Variants in DYM observed in about 807,000 individuals in gnomAD.
The protein encoded by DYM is dyggve-Melchior-Clausen syndrome protein.
DYM carries 78 observed loss-of-function variants against 93.1 expected under a neutral mutation model. That is an observed-to-expected ratio of 0.84 (90% CI 0.70 to 1.01). DYM has a LOEUF of 1.01. Among genes scored for constraint, DYM ranks in the 50% least tolerant of loss-of-function variants. The pLI, the probability that DYM is intolerant of heterozygous loss-of-function variation, is 0.00. For missense variants in DYM, 789 were observed against 845.0 expected, an observed-to-expected ratio of 0.93 and a Z score of 0.82; for synonymous variants, 321 against 319.7, an observed-to-expected ratio of 1.00 and a Z score of -0.04.
At chr18:49,104,396 T>G (rs899943763) in intron 16 of DYM, among the ~76,000 whole-genome samples, 1 of 152,090 alleles carries the variant, frequency 6.6e-6, no homozygotes, top group African/African-American at 2.4e-5. Flanking sequence ...TAATTGAATA[T>G]CCTTTATTTC....
intron 2 of DYM, among the ~76,000 whole-genome samples, chr18:49,422,701 G>C (rs1235792881): frequency 2.0e-5 from 3 of 152,128 alleles, no homozygotes; most frequent in Non-Finnish European, 4.4e-5. Context: ...GATGGAGGAA[G>C]ATATAACAAG....
chr18:49,237,940 T>C (rs2144635330), intron 13 of DYM, among the ~76,000 whole-genome samples: 1 of 151,540 alleles, frequency 6.6e-6, no homozygotes, highest in Admixed American at 6.6e-5. Context: ...ACTAGATCAA[T>C]GTACCATATT....
intron 8 of DYM, among the ~76,000 whole-genome samples, chr18:49,312,034 C>T (rs2061624473): frequency 6.6e-6 from 1 of 152,024 alleles, no homozygotes. Context: ...CATACACTGG[C>T]CATCTTTATC....
chr18:49,354,172 G>T (rs749987870), intron 6 of DYM, among the ~76,000 whole-genome samples: 1 of 151,986 alleles, frequency 6.6e-6, no homozygotes, highest in Non-Finnish European at 1.5e-5. Context: ...AATGGGGAAA[G>T]GTAGTCTCTT....
Position 49,391,570 on chromosome 18 carries a change from CCACA to C in DYM, c.193+19_193+22del. ...TAAAACAAAATTTGAAAACAACACC[CCACA>C]CACATTTTTCCCACTTACCTAATGA... On this transcript the variant is annotated intron_variant, in intron 3 of 17. Transcript: ENST00000675505. The C allele has an allele frequency of 6.2e-7, 1 of 1,611,946 alleles. No individual in the cohort carries two copies. Among genetic ancestry groups the C allele is most frequent in the East Asian group, 2.2e-5 (1 of 44,768 alleles).
intron 8 of DYM, among the ~76,000 whole-genome samples, chr18:49,309,804 G>A: frequency 6.6e-6 from 1 of 152,054 alleles, no homozygotes; most frequent in African/African-American, 2.4e-5. Flanking sequence ...GAATAATAAT[G>A]GAAAAAAAGG....
intron 13 of DYM, among the ~76,000 whole-genome samples, chr18:49,244,995 T>C (rs1477923294): frequency 1.3e-5 from 2 of 152,198 alleles, no homozygotes; most frequent in African/African-American, 2.4e-5. Context: ...ATTGTGAAGA[T>C]TTCATGGACA....
At chr18:49,413,720 T>A (rs1040431318) in intron 2 of DYM, among the ~76,000 whole-genome samples, 1 of 152,110 alleles carries the variant, frequency 6.6e-6, no homozygotes, top group African/African-American at 2.4e-5. Context: ...TTTGAAGGCA[T>A]TATACTAGGC....
chr18:49,394,389 CTGTTT>C (rs1246892348), intron 2 of DYM, among the ~76,000 whole-genome samples: 1 of 151,344 alleles, frequency 6.6e-6, no homozygotes, highest in East Asian at 1.9e-4. Flanking sequence ...TTTCATTTGT[CTGTTT>C]TTTTTTATAC....
chr18:49,051,692 C>T (rs968173227), intron 17 of DYM, among the ~76,000 whole-genome samples: 3 of 152,200 alleles, frequency 2.0e-5, no homozygotes, highest in African/African-American at 7.2e-5. Context: ...AAAACAAAGA[C>T]AAGCTTGAAG....
At chr18:49,388,516 G>T (rs1047601071) in intron 3 of DYM, among the ~76,000 whole-genome samples, 1 of 151,400 alleles carries the variant, frequency 6.6e-6, no homozygotes, top group Admixed American at 6.6e-5. Context: ...AGGAGGAGAG[G>T]AGAGACAGAA....
chr18:49,078,785 C>T (rs983969767), intron 17 of DYM, among the ~76,000 whole-genome samples: 1 of 152,164 alleles, frequency 6.6e-6, no homozygotes, highest in Admixed American at 6.5e-5. Flanking sequence ...TATATATTTA[C>T]TTAGATATTT....
chr18:49,141,915 G>A (rs1052956956), intron 15 of DYM, among the ~76,000 whole-genome samples: 1 of 151,860 alleles, frequency 6.6e-6, no homozygotes, highest in Admixed American at 6.6e-5. Flanking sequence ...GTGCAGTGGC[G>A]CAATCTCCGC....
chr18:49,178,743 T>C (rs2145424836), intron 14 of DYM, among the ~76,000 whole-genome samples: 1 of 152,152 alleles, frequency 6.6e-6, no homozygotes, highest in East Asian at 1.9e-4. Context: ...TTTTGGAATA[T>C]AGTCCTTTAT....
chr18:49,327,953 T>C (rs1484072545), intron 8 of DYM, among the ~76,000 whole-genome samples: 1 of 152,106 alleles, frequency 6.6e-6, no homozygotes, highest in Non-Finnish European at 1.5e-5. Context: ...ACTTGGGTGA[T>C]CACAAGAACA....
chr18:49,197,435 G>C (rs1358339595), intron 14 of DYM, among the ~76,000 whole-genome samples: 17 of 152,100 alleles, frequency 1.1e-4, no homozygotes, highest in Non-Finnish European at 2.9e-5. Flanking sequence ...TAGTTCATCT[G>C]TTGAGGTCAA....
chr18:49,070,922 T>C (rs900435250), intron 17 of DYM, among the ~76,000 whole-genome samples: 2 of 152,218 alleles, frequency 1.3e-5, no homozygotes, highest in Non-Finnish European at 2.9e-5. Context: ...TACCCCATTG[T>C]GCCCTGATTT....
chr18:49,348,881 C>T (rs1209425501), intron 6 of DYM, among the ~76,000 whole-genome samples: 61 of 140,922 alleles, frequency 4.3e-4, no homozygotes, highest in Non-Finnish European at 7.9e-4. Context: ...TGCACTCCAG[C>T]CGGGTAACAG....
intron 13 of DYM, among the ~76,000 whole-genome samples, chr18:49,230,721 T>C (rs2093670584): frequency 6.6e-6 from 1 of 152,198 alleles, no homozygotes; most frequent in Non-Finnish European, 1.5e-5. Context: ...AAATATTTAA[T>C]TCAAAACACT....
Sources: allele counts gnomAD v4.1 joint callset (sites outside exome capture counted in the v4.1 genomes callset), GRCh38; gene constraint gnomAD v4.1.1; transcripts MANE v1.5; gene names NCBI Gene and HGNC (gene_info 2026-07-23, HGNC 2026-07-21).